CDKAL1: variants seen among roughly 807,000 people sequenced by gnomAD.
CDKAL1 encodes threonylcarbamoyladenosine tRNA methylthiotransferase.
A neutral mutation model predicts 68.2 loss-of-function variants in CDKAL1; 32 were observed. The observed-to-expected ratio is 0.47, with a 90% CI of 0.35 to 0.63. The LOEUF is 0.63. Among genes scored for constraint, CDKAL1 ranks in the 30% least tolerant of loss-of-function variants. The probability of loss-of-function intolerance (pLI) is 0.00; values close to 1 mark genes in which losing one functional copy is unlikely to be tolerated. For synonymous variants in CDKAL1, 234 were observed against 244.3 expected (o/e 0.96, Z 0.39); for missense variants, 606 against 696.7 (o/e 0.87, Z 1.47).
chr6:20,755,847 C>T (rs1037372693), intron 6 of CDKAL1, among the ~76,000 whole-genome samples: 10 of 152,160 alleles, frequency 6.6e-5, no homozygotes, highest in Non-Finnish European at 8.8e-5. Flanking sequence ...TGTTCTTAGT[C>T]ATCACTGTCT....
At chr6:21,204,928 A>C (rs1246022643) in intron 15 of CDKAL1, among the ~76,000 whole-genome samples, 1 of 152,214 alleles carries the variant, frequency 6.6e-6, no homozygotes, top group African/African-American at 2.4e-5. Flanking sequence ...CCCTGTACTC[A>C]TTAAACAATA....
chr6:21,075,815 G>A (rs544818418), intron 12 of CDKAL1, among the ~76,000 whole-genome samples: 11 of 151,924 alleles, frequency 7.2e-5, no homozygotes, highest in East Asian at 1.9e-4. Context: ...TTTGATCCTC[G>A]GCGGTCAATT....
intron 5 of CDKAL1, among the ~76,000 whole-genome samples, chr6:20,709,568 T>G (rs1771752474): frequency 6.6e-6 from 1 of 152,138 alleles, no homozygotes; most frequent in South Asian, 2.1e-4. Context: ...TTTTACTACT[T>G]TATCAGTTAA....
At chr6:20,755,188 A>G (rs1774114954) in intron 6 of CDKAL1, among the ~76,000 whole-genome samples, 1 of 152,174 alleles carries the variant, frequency 6.6e-6, no homozygotes, top group South Asian at 2.1e-4. Context: ...AGGAAATTTG[A>G]CCAACTCTTT....
At chr6:21,005,115 A>G (rs6932393) in intron 11 of CDKAL1, among the ~76,000 whole-genome samples, 72,191 of 151,552 alleles carry the variant, frequency 0.48, 18,374 homozygotes, top group East Asian at 0.85. Context: ...TTCTTTTTTC[A>G]TGTGTTTTTG....
At chr6:20,985,440 C>A (rs201352) in intron 10 of CDKAL1, among the ~76,000 whole-genome samples, 3 of 152,010 alleles carry the variant, frequency 2.0e-5, no homozygotes, top group African/African-American at 7.2e-5. Flanking sequence ...ATTATAGGCA[C>A]CCGCCACCAC....
At chr6:20,918,019 A>G (rs1291857136) in intron 9 of CDKAL1, among the ~76,000 whole-genome samples, 1 of 152,164 alleles carries the variant, frequency 6.6e-6, no homozygotes, top group African/African-American at 2.4e-5. Flanking sequence ...GTTGAGGCAT[A>G]AGAATTGTTT....
chr6:21,169,813 A>G (rs1377400455), intron 13 of CDKAL1, among the ~76,000 whole-genome samples: 1 of 152,134 alleles, frequency 6.6e-6, no homozygotes, highest in East Asian at 1.9e-4. Context: ...GAGCAAAGTC[A>G]CATCTTGCAT....
intron 12 of CDKAL1, among the ~76,000 whole-genome samples, chr6:21,097,243 T>C (rs1160095240): frequency 6.6e-6 from 1 of 152,122 alleles, no homozygotes; most frequent in Non-Finnish European, 1.5e-5. Flanking sequence ...GCTGAGGCTG[T>C]TGGATTACCT....
intron 5 of CDKAL1, among the ~76,000 whole-genome samples, chr6:20,708,146 C>T (rs1771685841): frequency 6.6e-6 from 1 of 152,114 alleles, no homozygotes; most frequent in Non-Finnish European, 1.5e-5. Flanking sequence ...AGTTGTTAAA[C>T]AATTCAGTGG....
chr6:20,744,444 G>A (rs1341108200), intron 6 of CDKAL1, among the ~76,000 whole-genome samples: 2 of 152,078 alleles, frequency 1.3e-5, no homozygotes, highest in African/African-American at 4.8e-5. Context: ...GCAAGTGCTG[G>A]GAATGCAGCA....
chr6:20,996,885 T>G (rs1005112504), intron 10 of CDKAL1, among the ~76,000 whole-genome samples: 6 of 152,244 alleles, frequency 3.9e-5, no homozygotes, highest in Admixed American at 2.6e-4. Flanking sequence ...ATATAATTAT[T>G]CATTTGTTCC....
At chr6:21,091,300 C>A (rs113816450) in intron 12 of CDKAL1, among the ~76,000 whole-genome samples, 2 of 152,226 alleles carry the variant, frequency 1.3e-5, no homozygotes, top group African/African-American at 4.8e-5. Flanking sequence ...TGGCAACTCA[C>A]CTCACCAACC....
intron 9 of CDKAL1, among the ~76,000 whole-genome samples, chr6:20,872,125 G>A (rs1359286301): frequency 6.6e-6 from 1 of 151,992 alleles, no homozygotes. Flanking sequence ...AAAATATCAT[G>A]TTTAAAAACA....
At chr6:21,040,442 A>G (rs1176703643) in intron 11 of CDKAL1, among the ~76,000 whole-genome samples, 1 of 152,142 alleles carries the variant, frequency 6.6e-6, no homozygotes, top group African/African-American at 2.4e-5. Flanking sequence ...TTAACTATAT[A>G]TTTTTGTTGA....
Position 20,596,132 on chromosome 6 carries a change from C to T in CDKAL1, c.286+47427C>T, listed in dbSNP as rs113640096. Among the ~76,000 whole-genome samples, 1,293 of 152,288 alleles carry T rather than the reference C, an allele frequency of 8.5e-3. 21 individuals are homozygous for T. Among genetic ancestry groups the T allele is most frequent in the African/African-American group, 0.029 (1,226 of 41,560 alleles). On this transcript the variant is annotated intron_variant, in intron 4 of 15. Transcript: ENST00000274695. ...GGAGGTGTCTCCAAGCCAGGAGGCA[C>T]GAGGATCAGGGACCCACTTGAGGAG...
chr6:20,724,124 G>C (rs1772525374), intron 5 of CDKAL1, among the ~76,000 whole-genome samples: 1 of 152,074 alleles, frequency 6.6e-6, no homozygotes, highest in Non-Finnish European at 1.5e-5. Context: ...TTTTGGTAGA[G>C]ATGGTGTTTC....
chr6:20,863,893 T>C (rs1024148088), intron 9 of CDKAL1, among the ~76,000 whole-genome samples: 10 of 152,216 alleles, frequency 6.6e-5, no homozygotes, highest in Non-Finnish European at 1.3e-4. Flanking sequence ...ATTTGTTCAC[T>C]CTGGTTACAT....
At chr6:21,098,921 AC>A (rs1773449006) in intron 12 of CDKAL1, among the ~76,000 whole-genome samples, 1 of 152,324 alleles carries the variant, frequency 6.6e-6, no homozygotes, top group East Asian at 1.9e-4. Flanking sequence ...TTAATGCAGT[AC>A]TTGAAATTTG....
Sources: gnomAD v4.1 joint callset for allele counts (sites outside exome capture counted in the v4.1 genomes callset) on GRCh38, gnomAD v4.1.1 for gene constraint, MANE v1.5 for transcripts, NCBI Gene and HGNC (gene_info 2026-07-23, HGNC 2026-07-21) for gene names.